EMP1: variants seen among roughly 807,000 people sequenced by gnomAD.
EMP1 encodes epithelial membrane protein 1.
A neutral mutation model predicts 15.7 loss-of-function variants in EMP1; 5 were observed. That is an observed-to-expected ratio of 0.32 (90% confidence interval 0.17 to 0.67). The LOEUF (loss-of-function observed/expected upper bound fraction) is 0.67, where lower values mean the gene tolerates loss of function less well. Ranked by LOEUF, EMP1 falls within the 30% of genes least tolerant of loss-of-function variation. EMP1 has a pLI of 0.74. For missense variants in EMP1, 166 were observed against 194.2 expected (o/e 0.85, Z 0.86); for synonymous variants, 78 against 76.7 (o/e 1.02, Z -0.09).
intron 4 of EMP1, 120 bp downstream of exon 4, chr12:13,213,941 C>G: frequency 7.1e-7 from 1 of 1,416,442 alleles, no homozygotes; most frequent in Non-Finnish European, 9.8e-7. Flanking sequence ...CAATTTTCTC[C>G]TCTGGTTATT....
chr12:13,213,959 T>G, intron 4 of EMP1, 138 bp downstream of exon 4: 4 of 1,274,980 alleles, frequency 3.1e-6, no homozygotes, highest in African/African-American at 1.5e-5. Flanking sequence ...ATTTGTTCTC[T>G]TGTGGAGAAC....
rs145258011 is a variant in EMP1 at position 13,218,903 on chromosome 12, T to C, written c.*4212T>C. The stretch of plus-strand genomic sequence containing the variant: ...GTGGGATGTAGATGAGGTGGGAGCA[T>C]GAATGCCTAGGGAGGGAAGAAGAAA... On this transcript the variant is annotated 3_prime_UTR_variant, in exon 5 of 5. Coordinates refer to ENST00000256951, the MANE Select transcript of EMP1 (RefSeq NM_001423.3). 6.6e-6 allele frequency: 1 copy of C among 151,910 alleles called. No individual in the cohort carries two copies. Among genetic ancestry groups the C allele is most frequent in the Non-Finnish European group, 1.5e-5 (1 of 67,980 alleles). The allele number at this position is 151,910 out of a possible 1,614,324, so 9.4% of individuals were successfully genotyped here.
intron 1 of EMP1, among the ~76,000 whole-genome samples, chr12:13,209,791 G>A (rs1398396370): frequency 1.3e-5 from 2 of 152,172 alleles, no homozygotes; most frequent in Non-Finnish European, 2.9e-5. Context: ...GAAAATTGGG[G>A]AGGTGTGCTA....
In EMP1 at chr12:13,212,570, A is replaced by G. The variant is rs138450614; in HGVS notation, c.79-909A>G. ...TTAGCCATTCTATATGTCAACTCCT[A>G]TATCTATCCAGATAAATCTGATAAG... On this transcript the variant is annotated intron_variant, in intron 2 of 4. Coordinates refer to ENST00000256951, the MANE Select transcript of EMP1 (RefSeq NM_001423.3). Among the ~76,000 whole-genome samples, 22 of 152,354 alleles carry G rather than the reference A, an allele frequency of 1.4e-4. No individual in the cohort carries two copies. In the East Asian group the frequency reaches 3.5e-3, roughly 24 times the overall value.
At chr12:13,213,408 C>T in intron 2 of EMP1, 71 bp from the exon 3 acceptor site, 2 of 1,383,128 alleles carry the variant, frequency 1.4e-6, no homozygotes, top group Non-Finnish European at 2.1e-6. Context: ...CCGATGCAAG[C>T]TGATTTGTTA....
chr12:13,199,308 T>A (rs1864042640), intron 1 of EMP1: 1 of 152,370 alleles, frequency 6.6e-6, no homozygotes, highest in African/African-American at 2.4e-5. Context: ...TTCCCAGCCT[T>A]GTCAGTGGGC....
In EMP1 at chr12:13,211,451, C is replaced by G. The variant is rs1440331376; in HGVS notation, c.-42-18C>G. The stretch of plus-strand genomic sequence containing the variant: ...AATCTGACAGTAACCGTTTTTGTCC[C>G]TTTCTTTTTCTTTTCAGAACTCTCT... On this transcript the variant is annotated intron_variant, in intron 1 of 4. Transcript: ENST00000256951. This position sits in a 1 kb window ranked among gnomAD's most constrained non-coding sequence, Gnocchi z 4.7. 7 of 1,581,636 alleles carry G rather than the reference C, an allele frequency of 4.4e-6. No homozygotes were observed. The African/African-American group carries it at 5.4e-5, about 12-fold the overall frequency.
Position 13,219,646 on chromosome 12 carries a change from G to A in EMP1, c.*4955G>A, listed in dbSNP as rs1399825723. Reference sequence around the variant, plus strand: ...GAAAAGAGGTTTAATTGACAAAAAAGCTAACAAAGTGAGCCCTGATTCAAA... The same window carrying A: ...GAAAAGAGGTTTAATTGACAAAAAAACTAACAAAGTGAGCCCTGATTCAAA... On this transcript the variant is annotated 3_prime_UTR_variant, in exon 5 of 5. Transcript: ENST00000256951. 1 of 152,140 alleles carries A rather than the reference G, an allele frequency of 6.6e-6. No individual in the cohort carries two copies. The highest frequency in any genetic ancestry group is 6.5e-5 in the Admixed American group (1 of 15,268). The allele number at this position is 152,140 out of a possible 1,614,324, so 9.4% of individuals were successfully genotyped here. A position where few individuals can be genotyped will look rare whatever the true frequency, so the allele number is the denominator to read the frequency against.
intron 1 of EMP1, among the ~76,000 whole-genome samples, chr12:13,204,743 T>C (rs952071412): frequency 1.2e-4 from 19 of 152,196 alleles, no homozygotes; most frequent in Non-Finnish European, 2.4e-4. Context: ...GGTCAGATGC[T>C]GTGAGAAAGC....
chr12:13,211,686 A>G lies in EMP1; in HGVS notation c.78+98A>G. 1 of 1,328,340 alleles carries G rather than the reference A, an allele frequency of 7.5e-7. No homozygotes were observed. The highest frequency in any genetic ancestry group is 1.1e-6 in the Non-Finnish European group (1 of 935,786). The allele number at this position is 1,328,340 out of a possible 1,614,324, so 82.3% of individuals were successfully genotyped here. A position where few individuals can be genotyped will look rare whatever the true frequency, so the allele number is the denominator to read the frequency against. ...GTTTAAGCCACAGCCCTTGCCCTTC[A>G]TGAACTTACAGCTCAGTTGTGGGAA... On this transcript the variant is annotated intron_variant, in intron 2 of 4. Coordinates refer to ENST00000256951, the MANE Select transcript of EMP1 (RefSeq NM_001423.3). The surrounding 1 kb of genome is among the most constrained non-coding windows in gnomAD (Gnocchi z 4.7).
intron 4 of EMP1, 174 bp downstream of exon 4, chr12:13,213,995 C>A (rs534642100): frequency 3.2e-6 from 3 of 949,344 alleles, no homozygotes; most frequent in African/African-American, 1.6e-5. Context: ...AGGTTAAGAA[C>A]CCTCATCTGC....
chr12:13,204,589 T>A (rs1196422293), intron 1 of EMP1, among the ~76,000 whole-genome samples: 1 of 152,166 alleles, frequency 6.6e-6, no homozygotes, highest in Non-Finnish European at 1.5e-5. Flanking sequence ...CTGCGTGGTG[T>A]CTTAGGAAGG....
At chr12:13,197,102 A>T (rs1054312133) in intron 1 of EMP1, among the ~76,000 whole-genome samples, 1 of 152,208 alleles carries the variant, frequency 6.6e-6, no homozygotes, top group Non-Finnish European at 1.5e-5. Context: ...GTCTGGGGAA[A>T]TCAATGGGAT....
chr12:13,212,648 C>G (rs1408665039), intron 2 of EMP1, among the ~76,000 whole-genome samples: 1 of 152,192 alleles, frequency 6.6e-6, no homozygotes, highest in Non-Finnish European at 1.5e-5. Context: ...TGTGAATTAC[C>G]AGCCCCTAAT....
rs114030007 is a variant in EMP1, at chr12:13,208,585, G to A, written c.-42-2884G>A. 9.1e-3 allele frequency among the ~76,000 whole-genome samples: 1,386 copies of A among 152,282 alleles called. 25 individuals are homozygous for A. The highest frequency in any genetic ancestry group is 0.031 in the African/African-American group (1,285 of 41,540). ...ATATTAGTAAAACCTGACAAATAAT[G>A]GGCCAGTGAAAAGATGGAGAAGTTG... is the stretch of plus-strand genomic sequence containing the variant. On this transcript the variant is annotated intron_variant, in intron 1 of 4. Coordinates refer to ENST00000256951, the MANE Select transcript of EMP1 (RefSeq NM_001423.3).
In EMP1 at chr12:13,213,582, A is replaced by T; in HGVS notation, c.175+7A>T. 6.2e-7 allele frequency: 1 copy of T among 1,614,202 alleles called. No individual in the cohort carries two copies. Among genetic ancestry groups the T allele is most frequent in the Non-Finnish European group, 8.5e-7 (1 of 1,180,006 alleles). ...CTGTCATATGCCAGTGAAGGTATAT[A>T]TAAAGATATTGACCCAGTGCTGACA... On this transcript the variant is annotated splice_region_variant and intron_variant, in intron 3 of 4. Transcript: ENST00000256951.
At chr12:13,207,262 C>G (rs941690941) in intron 1 of EMP1, among the ~76,000 whole-genome samples, 1 of 152,116 alleles carries the variant, frequency 6.6e-6, no homozygotes, top group South Asian at 2.1e-4. Context: ...CAGGTGTGCA[C>G]CACCACGCCC....
intron 2 of EMP1, among the ~76,000 whole-genome samples, chr12:13,212,858 A>T (rs1481364000): frequency 6.6e-6 from 1 of 152,158 alleles, no homozygotes; most frequent in Non-Finnish European, 1.5e-5. Context: ...AGTCTGGGGG[A>T]ATCCATTCAG....
chr12:13,198,183 C>T (rs1179895636), intron 1 of EMP1, among the ~76,000 whole-genome samples: 3 of 152,276 alleles, frequency 2.0e-5, no homozygotes, highest in Middle Eastern at 3.4e-3. Context: ...CTCTTGTTCC[C>T]GAAATGTGAT....
Sources: gnomAD v4.1 joint callset for allele counts (sites outside exome capture counted in the v4.1 genomes callset) on GRCh38, gnomAD v4.1.1 for gene constraint, Gnocchi (gnomAD v3.1) non-coding constraint, MANE v1.5 for transcripts, NCBI Gene and HGNC (gene_info 2026-07-23, HGNC 2026-07-21) for gene names.